FAT1: variants seen among roughly 807,000 people sequenced by gnomAD.
The protein encoded by FAT1 is FAT atypical cadherin 1.
A neutral mutation model predicts 329.8 loss-of-function variants in FAT1; 171 were observed. The ratio of observed to expected loss-of-function variants is 0.52; its 90% CI spans 0.46 to 0.59. FAT1 has a LOEUF of 0.59. Among genes scored for constraint, FAT1 ranks in the 20% least tolerant of loss-of-function variants. FAT1 has a pLI of 0.00. For missense variants in FAT1, 5,672 were observed against 5,774.4 expected, an observed-to-expected ratio of 0.98 and a Z score of 0.57; for synonymous variants, 2,233 against 2,228.6, an observed-to-expected ratio of 1.00 and a Z score of -0.06.
chr4:186,711,447 C>A (rs999742208), intron 1 of FAT1, among the ~76,000 whole-genome samples: 1 of 152,128 alleles, frequency 6.6e-6, no homozygotes, highest in Non-Finnish European at 1.5e-5. Flanking sequence ...ATTTAGTCAA[C>A]AGTTCTAATA....
At chr4:186,692,920 C>T (rs1560997004) in intron 2 of FAT1, among the ~76,000 whole-genome samples, 1 of 152,310 alleles carries the variant, frequency 6.6e-6, no homozygotes, top group South Asian at 2.1e-4. Context: ...CCGCCTTTCA[C>T]TTTAGAAACA....
intron 4 of FAT1, among the ~76,000 whole-genome samples, chr4:186,638,117 TAA>T (rs1159117384): frequency 6.6e-6 from 1 of 152,218 alleles, no homozygotes; most frequent in Non-Finnish European, 1.5e-5. Context: ...ACACTATCTT[TAA>T]GACAGCCAAA....
chr4:186,652,274 T>A (rs1279439422), intron 3 of FAT1, among the ~76,000 whole-genome samples: 1 of 152,092 alleles, frequency 6.6e-6, no homozygotes, highest in East Asian at 1.9e-4. Context: ...GAGGATAGGG[T>A]ACACAACCCA....
At chr4:186,648,747 G>A (rs1741493956) in intron 3 of FAT1, among the ~76,000 whole-genome samples, 1 of 152,060 alleles carries the variant, frequency 6.6e-6, no homozygotes, top group Non-Finnish European at 1.5e-5. Flanking sequence ...GGATCATGGG[G>A]TGTGAATGCC....
Position 186,620,433 on chromosome 4 carries a change from T to C in FAT1, c.6153A>G (p.Val2051=), listed in dbSNP as rs2126515628. 1 of 1,614,038 alleles carries C rather than the reference T, an allele frequency of 6.2e-7. No homozygotes were observed. Among genetic ancestry groups the C allele is most frequent in the South Asian group, 1.1e-5 (1 of 91,086 alleles). Residue 2051 remains valine (V), a synonymous_variant, in exon 10 of 27, where the codon GTA becomes GTG. Coordinates refer to ENST00000441802, the MANE Select transcript of FAT1 (RefSeq NM_005245.4). ...REQQEAFDVV[V]EVTEEHKPSA... ...AAGGCTTATGTTCCTCTGTCACTTC[T>C]ACAACCACATCAAACGCCTCCTGCT...
intron 2 of FAT1, among the ~76,000 whole-genome samples, chr4:186,685,823 C>G (rs191994975): frequency 2.9e-4 from 44 of 152,316 alleles, no homozygotes; most frequent in African/African-American, 1.0e-3. Context: ...TTTGCTCTAT[C>G]TGGTAGGTTG....
rs369281336 is a variant in FAT1, at chr4:186,692,502, C to T, written c.3265+14061G>A. ...TAATTTTTTGTATTTTTAGTAGAGA[C>T]GGGGTTTCACCGTGTTAGCCAGGAT... is the stretch of plus-strand genomic sequence containing the variant. On this transcript the variant is annotated intron_variant, in intron 2 of 26. Transcript: ENST00000441802. 1.3e-3 allele frequency among the ~76,000 whole-genome samples: 198 copies of T among 152,094 alleles called. 1 individual carries two copies. The East Asian group carries it at 0.019, about 14-fold the overall frequency.
At chr4:186,615,630 G>A (rs1335802139) in intron 11 of FAT1, among the ~76,000 whole-genome samples, 2 of 151,944 alleles carry the variant, frequency 1.3e-5, no homozygotes, top group African/African-American at 2.4e-5. Flanking sequence ...GGTCTGTTTC[G>A]CATCCCAAAC....
intron 9 of FAT1, among the ~76,000 whole-genome samples, chr4:186,627,869 C>G (rs1223971878): frequency 6.6e-6 from 1 of 152,066 alleles, no homozygotes; most frequent in Non-Finnish European, 1.5e-5. Context: ...TTCAGAAATA[C>G]TGAATTGGTC....
intron 2 of FAT1, among the ~76,000 whole-genome samples, chr4:186,669,199 T>C (rs1398817034): frequency 6.6e-6 from 1 of 152,182 alleles, no homozygotes; most frequent in African/African-American, 2.4e-5. Context: ...AGAAGGTGCC[T>C]GCGCCCAGGC....
At chr4:186,726,058 C>G (rs1745709101), upstream of FAT1, among the ~76,000 whole-genome samples, 1 of 152,238 alleles carries the variant, frequency 6.6e-6, no homozygotes, top group Non-Finnish European at 1.5e-5. Flanking sequence ...CCGATGCGCC[C>G]TCCCTAGGCA....
In FAT1 at chr4:186,588,406, A is replaced by G; in HGVS notation, c.*186T>C. ...GTTGGGAAATGGCACAGCCGATGAA[A>G]ACCTCACGATGACAGTAGTTGGGAC... On this transcript the variant is annotated 3_prime_UTR_variant, in exon 27 of 27. Transcript: ENST00000441802. 1.6e-6 allele frequency: 1 copy of G among 639,886 alleles called. No homozygotes were observed. The highest frequency in any genetic ancestry group is 3.4e-5 in the Admixed American group (1 of 29,298). The allele number at this position is 639,886 out of a possible 1,614,324, so 39.6% of individuals were successfully genotyped here. A position where few individuals can be genotyped will look rare whatever the true frequency, so the allele number is the denominator to read the frequency against.
rs1367435443 is a variant in FAT1, at chr4:186,707,376, T to C, written c.2452A>G (p.Asn818Asp). The change falls in exon 2 of 27, where the codon AAT becomes GAT. Residue 818 changes from asparagine to aspartate, a missense_variant. Transcript: ENST00000441802. ...LHVVVVDAND[N>D]PPEFLQESYF... ...CTCTCCTGTAAAAACTCGGGTGGAT[T>C]ATCATTGGCATCGACAACCACGACA... The C allele has an allele frequency of 3.7e-6, 6 of 1,613,862 alleles. No homozygotes were observed. Among genetic ancestry groups the C allele is most frequent in the Non-Finnish European group, 5.1e-6 (6 of 1,179,894 alleles).
intron 1 of FAT1, among the ~76,000 whole-genome samples, chr4:186,711,769 A>G (rs768361773): frequency 7.2e-5 from 11 of 152,122 alleles, no homozygotes; most frequent in Non-Finnish European, 1.6e-4. Flanking sequence ...AAAATACAAA[A>G]ATTAGCAGGA....
At position 186,600,322 on chromosome 4, in the gene FAT1, T is replaced by A. The variant is rs1738750432; in HGVS notation, c.11679A>T (p.Gly3893=). The change falls in exon 22 of 27, where the codon GGA becomes GGT. Residue 3893 remains glycine, a synonymous_variant. Transcript: ENST00000441802. ...GAACAGAGACAATTCCAGGGCCACT[T>A]CCACAGTCAAACTTGTACTGCAGCC... The part of the protein sequence containing the change: ...HGRLQYKFDC[G]SGPGIVSVQS... The A allele has an allele frequency of 6.2e-7, 1 of 1,613,538 alleles. No homozygotes were observed.
Position 186,617,080 on chromosome 4 carries a change from A to G in FAT1, c.9000T>C (p.Asp3000=). 6.2e-7 allele frequency: 1 copy of G among 1,614,028 alleles called. No individual in the cohort carries two copies. The highest frequency in any genetic ancestry group is 8.5e-7 in the Non-Finnish European group (1 of 1,179,894). ...CTATCGCTTTTGATGAGAAGGTGCCATCAGTTGCCGTGATAGTAAGAAGGT... is the reference window on the plus strand; with the variant it reads ...CTATCGCTTTTGATGAGAAGGTGCCGTCAGTTGCCGTGATAGTAAGAAGGT... ...DNYLLTITAT[D]GTFSSKAIVE... is the part of the protein sequence containing the mutation. The change falls in exon 11 of 27, where the codon GAT becomes GAC. Residue 3000 remains aspartate (D), a synonymous_variant. Transcript: ENST00000441802.
In FAT1 at chr4:186,606,228, G is replaced by C. The variant is rs775256366; in HGVS notation, c.10207-15C>G. 4 of 1,612,830 alleles carry C rather than the reference G, an allele frequency of 2.5e-6. No homozygotes were observed. In the Admixed American group the frequency reaches 5.0e-5, roughly 20 times the overall value. On this transcript the variant is annotated splice_polypyrimidine_tract_variant and intron_variant, in intron 16 of 26. Coordinates refer to ENST00000441802, the MANE Select transcript of FAT1 (RefSeq NM_005245.4). ...TAACCTGAAATCTTTTCAGGCAAAAGACAGAATGCACGTTCATTTTCACAA... is the reference window on the plus strand; with the variant it reads ...TAACCTGAAATCTTTTCAGGCAAAACACAGAATGCACGTTCATTTTCACAA...
chr4:186,700,739 C>T (rs1017191659), intron 2 of FAT1, among the ~76,000 whole-genome samples: 2 of 152,204 alleles, frequency 1.3e-5, no homozygotes, highest in Non-Finnish European at 2.9e-5. Flanking sequence ...CTCTCATTGA[C>T]GTTTCATCCT....
chr4:186,590,665 C>T (rs773287465), intron 26 of FAT1: 4 of 456,122 alleles, frequency 8.8e-6, no homozygotes, highest in South Asian at 1.5e-5. Flanking sequence ...TCAAATATTA[C>T]TTTCTTTTCC....
Sources: allele counts gnomAD v4.1 joint callset (sites outside exome capture counted in the v4.1 genomes callset), GRCh38; gene constraint gnomAD v4.1.1; transcripts MANE v1.5; gene names NCBI Gene and HGNC (gene_info 2026-07-23, HGNC 2026-07-21).